MYO7B: variants seen among roughly 807,000 people sequenced by gnomAD.
The protein encoded by MYO7B is myosin VIIB.
MYO7B carries 212 observed loss-of-function variants against 259.7 expected under a neutral mutation model. The ratio of observed to expected loss-of-function variants is 0.82; its 90% CI spans 0.73 to 0.91. The LOEUF (loss-of-function observed/expected upper bound fraction) is 0.91, where lower values mean the gene tolerates loss of function less well. Ranked by LOEUF, MYO7B falls within the 40% of genes least tolerant of loss-of-function variation. MYO7B has a pLI of 0.00. For missense variants in MYO7B, 2,732 were observed against 2,813.5 expected, an observed-to-expected ratio of 0.97 and a Z score of 0.66; for synonymous variants, 1,197 against 1,166.4, an observed-to-expected ratio of 1.03 and a Z score of -0.54.
In MYO7B at chr2:127,608,865, C is replaced by T. The variant is rs749423442; in HGVS notation, c.2801C>T (p.Ser934Leu). 4.1e-5 allele frequency: 66 copies of T among 1,612,180 alleles called. No homozygotes were observed. In the South Asian group the frequency reaches 4.7e-4, roughly 12 times the overall value. The change falls in exon 22 of 48, where the codon TCG becomes TTG. Residue 934 changes from serine (S) to leucine (L), a missense_variant. By Grantham distance (145) the Ser-to-Leu change is moderately radical. Coordinates refer to ENST00000409816, the MANE Select transcript of MYO7B (RefSeq NM_001393586.1). ...ATTGGGGGCCAGGAGGGCCAGGCCT[C>T]GCCGCACTTTGAGGTAACACAAGCC... ...AMIGGQEGQA[S>L]PHFEDLESKT...
chr2:127,634,545 A>AGG, intron 41 of MYO7B, 51 bp from the exon 42 acceptor site: 1 of 1,510,454 alleles, frequency 6.6e-7, no homozygotes, highest in African/African-American at 1.4e-5. Context: ...GGTTCTCAGG[A>AGG]GGACAGTCCC....
In MYO7B at chr2:127,637,508, TGG is replaced by T; in HGVS notation, c.*92_*93del. On this transcript the variant is annotated 3_prime_UTR_variant, in exon 48 of 48. Coordinates refer to ENST00000409816, the MANE Select transcript of MYO7B (RefSeq NM_001393586.1). ...GCCCTCTCAACCCAGGGCCTGTCCT[TGG>T]CGGGCAGCCTTCCATGCTGCCCCCC... 1 of 1,006,476 alleles carries T rather than the reference TGG, an allele frequency of 9.9e-7. No individual in the cohort carries two copies. The highest frequency in any genetic ancestry group is 1.4e-6 in the Non-Finnish European group (1 of 706,318). The allele number at this position is 1,006,476 out of a possible 1,614,324, so 62.3% of individuals were successfully genotyped here.
intron 29 of MYO7B, 26 bp from the exon 30 acceptor site, chr2:127,624,067 C>T (rs774822592): frequency 1.8e-5 from 28 of 1,537,772 alleles, no homozygotes; most frequent in Non-Finnish European, 1.8e-5. Flanking sequence ...CAGCCGCTAA[C>T]CCCTGCTCCC....
chr2:127,631,244 C>T lies in MYO7B; in HGVS notation c.4976C>T (p.Pro1659Leu), dbSNP rs1284850308. ...GACATGGTGAGCATGGCCGTGCTGC[C>T]CCTGGCCCGTGCCCGTGGCCACCTG... ...EKDMVSMAVL[P>L]LARARGHLWA... The change falls in exon 37 of 48, where the codon CCC (proline) becomes CTC (leucine). Residue 1659 changes from proline to leucine, a missense_variant. Around this residue, in one of 3 missense-constraint regions of MYO7B, gnomAD observed 821 missense variants for 769.3 expected, o/e 1.07. Coordinates refer to ENST00000409816, the MANE Select transcript of MYO7B (RefSeq NM_001393586.1). The T allele has an allele frequency of 1.2e-6, 2 of 1,610,728 alleles. No individual in the cohort carries two copies. Among genetic ancestry groups the T allele is most frequent in the Admixed American group, 3.3e-5 (2 of 59,876 alleles).
At chr2:127,571,356 CTG>C (rs1005317706) in intron 6 of MYO7B, among the ~76,000 whole-genome samples, 13 of 145,524 alleles carry the variant, frequency 8.9e-5, no homozygotes, top group African/African-American at 2.8e-4. Flanking sequence ...TACCTCCGCT[CTG>C]TATATCTTCT....
At position 127,584,651 on chromosome 2, in the gene MYO7B, G is replaced by C. The variant is rs1679231831; in HGVS notation, c.1555-127G>C. ...ACTGACCCCTGGGCATTAGTTTCCT[G>C]TCTGTACAAAGGCCCTCAATCATTC... On this transcript the variant is annotated intron_variant, in intron 13 of 47. Transcript: ENST00000409816. The surrounding 1 kb of genome is among the most constrained non-coding windows in gnomAD (Gnocchi z 5.8). 4.3e-6 allele frequency: 5 copies of C among 1,169,110 alleles called. No individual in the cohort carries two copies. Among genetic ancestry groups the C allele is most frequent in the Admixed American group, 2.4e-5 (1 of 41,732 alleles). 72.4% of individuals were successfully genotyped at this position (1,169,110 alleles called of 1,614,324 possible). A position where few individuals can be genotyped will look rare whatever the true frequency, so the allele number is the denominator to read the frequency against.
intron 26 of MYO7B, among the ~76,000 whole-genome samples, chr2:127,617,901 A>T (rs2248763): frequency 6.8e-6 from 1 of 147,534 alleles, no homozygotes. Flanking sequence ...TCAAGTCCTT[A>T]TAGGACCCTA....
intron 9 of MYO7B, among the ~76,000 whole-genome samples, chr2:127,580,539 G>A (rs954025402): frequency 6.6e-5 from 10 of 152,186 alleles, no homozygotes; most frequent in East Asian, 1.9e-4. Context: ...GGTCTGCCAC[G>A]TTCATCAACA....
chr2:127,580,007 C>T (rs758396882), intron 9 of MYO7B, among the ~76,000 whole-genome samples: 1 of 152,224 alleles, frequency 6.6e-6, no homozygotes, highest in Non-Finnish European at 1.5e-5. Flanking sequence ...GGGACACAGT[C>T]TCAGCCCGCA....
At chr2:127,544,120 A>G (rs1176066431) in intron 1 of MYO7B, among the ~76,000 whole-genome samples, 1 of 152,118 alleles carries the variant, frequency 6.6e-6, no homozygotes, top group Non-Finnish European at 1.5e-5. Flanking sequence ...TCTGTCACCC[A>G]GGCTGAAGTG....
chr2:127,608,709 C>T lies in MYO7B; in HGVS notation c.2645C>T (p.Ala882Val), dbSNP rs375619994. 2.7e-5 allele frequency: 43 copies of T among 1,610,352 alleles called. No homozygotes were observed. Among genetic ancestry groups the T allele is most frequent in the East Asian group, 4.5e-5 (2 of 44,812 alleles). The change falls in exon 22 of 48, where the codon GCG becomes GTG. Residue 882 changes from alanine (A) to valine (V), a missense_variant and splice_region_variant. By Grantham distance (64) the Ala-to-Val change is moderately conservative. This residue lies in a region of MYO7B where 1,906 missense variants were observed against 2,026.4 expected (regional missense o/e 0.94). Transcript: ENST00000409816. ...RRNFQQRKAN[A>V]PLVIPAEGQK... ...AACCTTCCTCCACGGGGTATGCAGG[C>T]GCCGCTGGTCATCCCGGCCGAGGGG...
Position 127,593,550 on chromosome 2 carries a change from A to G in MYO7B, c.2150A>G (p.Gln717Arg). ...ACCCCCGTTTGGTCTTGGCAGCTGC[A>G]AGGCAAGCTCCGCCAGATGACCCTG... ...LLPNAMRMQL[Q>R]GKLRQMTLGI... Residue 717 changes from glutamine (Q) to arginine (R), a missense_variant, in exon 18 of 48, where the codon CAA becomes CGA. By Grantham distance (43) the Gln-to-Arg change is conservative. Around this residue, in one of 3 missense-constraint regions of MYO7B, gnomAD observed 1,906 missense variants for 2,026.4 expected, o/e 0.94. Coordinates refer to ENST00000409816, the MANE Select transcript of MYO7B (RefSeq NM_001393586.1). 1 of 1,612,712 alleles carries G rather than the reference A, an allele frequency of 6.2e-7. No homozygotes were observed. The highest frequency in any genetic ancestry group is 8.5e-7 in the Non-Finnish European group (1 of 1,179,326).
intron 16 of MYO7B, among the ~76,000 whole-genome samples, chr2:127,592,423 A>AT (rs1273759999): frequency 6.6e-6 from 1 of 152,140 alleles, no homozygotes; most frequent in Non-Finnish European, 1.5e-5. Flanking sequence ...AATTTAAAAA[A>AT]TTTTTTTAAA....
At position 127,581,927 on chromosome 2, in the gene MYO7B, C is replaced by A. The variant is rs781366589; in HGVS notation, c.1117C>A (p.His373Asn). ...HQELRDCLIK[H>N]TILIRGEFVT... ...GGAGCTCCGGGACTGTCTGATCAAG[C>A]ACACCATCCTCATCCGAGGGGAATT... is the stretch of plus-strand genomic sequence containing the variant. Residue 373 changes from histidine (H) to asparagine (N), a missense_variant, in exon 11 of 48, where the codon CAC becomes AAC. Physicochemically the swap from His to Asn is moderately conservative, Grantham distance 68. Transcript: ENST00000409816. 5 of 1,613,922 alleles carry A rather than the reference C, an allele frequency of 3.1e-6. No individual in the cohort carries two copies. The highest frequency in any genetic ancestry group is 4.2e-6 in the Non-Finnish European group (5 of 1,179,878).
At chr2:127,620,140 TG>T in intron 26 of MYO7B, 199 bp from the exon 27 acceptor site, 2 of 492,336 alleles carry the variant, frequency 4.1e-6, no homozygotes, top group Non-Finnish European at 7.1e-6. Context: ...GCACAGGCCA[TG>T]GGAGAGGAAT....
Position 127,580,802 on chromosome 2 carries a change from A to C in MYO7B, c.1060A>C (p.Thr354Pro), listed in dbSNP as rs750762923. 3 of 1,613,218 alleles carry C rather than the reference A, an allele frequency of 1.9e-6. No individual in the cohort carries two copies. The highest frequency in any genetic ancestry group is 2.5e-6 in the Non-Finnish European group (3 of 1,179,662). Residue 354 changes from threonine to proline, a missense_variant, in exon 10 of 48, where the codon ACC (threonine) becomes CCC (proline). Physicochemically the swap from Thr to Pro is conservative, Grantham distance 38. Around this residue, in one of 3 missense-constraint regions of MYO7B, gnomAD observed 1,906 missense variants for 2,026.4 expected, o/e 0.94. Transcript: ENST00000409816. ...CGTGATGGAGACGCCCGCCTTTCCCACCGTGATGAAGTTACTGGAGGTAGG... is the reference window on the plus strand; with the variant it reads ...CGTGATGGAGACGCCCGCCTTTCCCCCCGTGATGAAGTTACTGGAGGTAGG... ...SDVMETPAFP[T>P]VMKLLEVQHQ...
intron 1 of MYO7B, among the ~76,000 whole-genome samples, chr2:127,552,532 A>G (rs1693483916): frequency 6.6e-6 from 1 of 152,150 alleles, no homozygotes. Context: ...GGGGGCCCCT[A>G]GGGCTGGGGG....
Position 127,565,245 on chromosome 2 carries a change from C to T in MYO7B, c.145C>T (p.Arg49Ter), listed in dbSNP as rs1678282090. 18 of 1,613,534 alleles carry T rather than the reference C, an allele frequency of 1.1e-5. No homozygotes were observed. The highest frequency in any genetic ancestry group is 1.6e-4 in the Middle Eastern group (1 of 6,082). The change falls in exon 4 of 48, where the codon CGA becomes TGA. Residue 49 changes from arginine (R) to a stop codon, truncating the protein, a stop_gained. Transcript: ENST00000409816. LOFTEE classifies it high-confidence loss of function. ...CCCATTGTTCCAGGAACACTGGATCCGAGCAGAGGACTTTGGTGTCCTCAG... is the reference window on the plus strand; with the variant it reads ...CCCATTGTTCCAGGAACACTGGATCTGAGCAGAGGACTTTGGTGTCCTCAG... ...EDDEGKEHWI[R>*]AEDFGVLSPM... is the part of the protein sequence containing the mutation.
Position 127,576,678 on chromosome 2 carries a change from C to T in MYO7B, c.819C>T (p.Gly273=), listed in dbSNP as rs752535821. 2 of 1,610,616 alleles carry T rather than the reference C, an allele frequency of 1.2e-6. No individual in the cohort carries two copies. Among genetic ancestry groups the T allele is most frequent in the Admixed American group, 1.7e-5 (1 of 59,878 alleles). ...SAEDKQLLSL[G]TPSEYHYLTM... Reference sequence around the variant, plus strand: ...AGGACAAGCAGCTGCTGAGCCTGGGCACGCCCTCCGAGTACCACTACCTGA... The same window carrying T: ...AGGACAAGCAGCTGCTGAGCCTGGGTACGCCCTCCGAGTACCACTACCTGA... The change falls in exon 8 of 48, where the codon GGC becomes GGT. Residue 273 remains glycine (G), a synonymous_variant. Transcript: ENST00000409816. This position sits in a 1 kb window ranked among gnomAD's most constrained non-coding sequence, Gnocchi z 4.9.
Sources: allele counts gnomAD v4.1 joint callset (sites outside exome capture counted in the v4.1 genomes callset), GRCh38; gene constraint gnomAD v4.1.1; regional missense constraint gnomAD v4.1.1; non-coding constraint Gnocchi (gnomAD v3.1); transcripts MANE v1.5; gene names NCBI Gene and HGNC (gene_info 2026-07-23, HGNC 2026-07-21).